MSI2: variants seen among roughly 807,000 people sequenced by gnomAD.
MSI2 encodes the protein musashi RNA binding protein 2.
Under a neutral mutation model 45.6 loss-of-function variants are expected in MSI2, and 17 were observed. That is an observed-to-expected ratio of 0.37 (90% CI 0.26 to 0.56). MSI2 has a LOEUF of 0.56. Ranked by LOEUF, MSI2 falls within the 20% of genes least tolerant of loss-of-function variation. The probability of loss-of-function intolerance (pLI) is 0.77; values close to 1 mark genes in which losing one functional copy is unlikely to be tolerated. For missense variants in MSI2, 293 were observed against 444.2 expected, an observed-to-expected ratio of 0.66 and a Z score of 3.06; for synonymous variants, 156 against 158.2, an observed-to-expected ratio of 0.99 and a Z score of 0.11.
intron 5 of MSI2, among the ~76,000 whole-genome samples, chr17:57,305,524 G>A (rs1324413151): frequency 6.6e-6 from 1 of 152,222 alleles, no homozygotes; most frequent in Non-Finnish European, 1.5e-5. Flanking sequence ...GGGCAATGTA[G>A]TCAAAACACA....
intron 5 of MSI2, among the ~76,000 whole-genome samples, chr17:57,395,394 C>A (rs913753126): frequency 6.6e-6 from 1 of 152,152 alleles, no homozygotes; most frequent in Admixed American, 6.5e-5. Flanking sequence ...AATACCTGAC[C>A]TGTGTTCTGA....
intron 5 of MSI2, among the ~76,000 whole-genome samples, chr17:57,337,589 G>A (rs1372680723): frequency 6.6e-6 from 1 of 152,082 alleles, no homozygotes; most frequent in Non-Finnish European, 1.5e-5. Context: ...TCCCTGTCGT[G>A]TTTACCACCT....
At chr17:57,264,153 CA>C (rs1479620464) in intron 5 of MSI2, 5 of 152,178 alleles carry the variant, frequency 3.3e-5, no homozygotes, top group Non-Finnish European at 5.9e-5. Context: ...GTTTTCTCAT[CA>C]TTGTTCCGGT....
intron 6 of MSI2, among the ~76,000 whole-genome samples, chr17:57,504,253 G>A (rs2086179262): frequency 6.6e-6 from 1 of 152,166 alleles, no homozygotes. Flanking sequence ...TAGCTCTTGA[G>A]GCTGTGTGCC....
intron 6 of MSI2, among the ~76,000 whole-genome samples, chr17:57,409,816 G>A (rs970527921): frequency 1.3e-5 from 2 of 151,990 alleles, no homozygotes; most frequent in Non-Finnish European, 2.9e-5. Flanking sequence ...AGACCAGCCT[G>A]GCCAACATGG....
At chr17:57,498,760 T>C (rs2086033182) in intron 6 of MSI2, among the ~76,000 whole-genome samples, 1 of 152,160 alleles carries the variant, frequency 6.6e-6, no homozygotes, top group African/African-American at 2.4e-5. Flanking sequence ...AACCTTTCTT[T>C]CTTTTTTTTT....
intron 7 of MSI2, among the ~76,000 whole-genome samples, chr17:57,580,386 A>C (rs2088168480): frequency 6.6e-6 from 1 of 152,164 alleles, no homozygotes; most frequent in Non-Finnish European, 1.5e-5. Flanking sequence ...GACCCCTGGC[A>C]TTTGACTTCA....
At chr17:57,284,430 T>G (rs1407996034) in intron 5 of MSI2, among the ~76,000 whole-genome samples, 1 of 152,180 alleles carries the variant, frequency 6.6e-6, no homozygotes, top group Non-Finnish European at 1.5e-5. Flanking sequence ...GTGTGCTTTA[T>G]GTATGTGTTT....
chr17:57,687,276 G>T (rs1913905777), downstream of MSI2, among the ~76,000 whole-genome samples: 1 of 148,004 alleles, frequency 6.8e-6, no homozygotes, highest in South Asian at 2.1e-4. Flanking sequence ...TCCTTAATAA[G>T]GTAGCAAATA....
intron 6 of MSI2, among the ~76,000 whole-genome samples, chr17:57,413,134 T>A (rs1273742427): frequency 6.6e-6 from 1 of 152,132 alleles, no homozygotes; most frequent in East Asian, 1.9e-4. Flanking sequence ...GCAGTAGGCT[T>A]GCTAGTGCAA....
chr17:57,325,670 A>G (rs1037966273), intron 5 of MSI2, among the ~76,000 whole-genome samples: 12 of 151,948 alleles, frequency 7.9e-5, no homozygotes, highest in African/African-American at 2.7e-4. Flanking sequence ...CTCTTCCCTG[A>G]CCATTTGACC....
At chr17:57,303,056 G>C (rs1911551744) in intron 5 of MSI2, among the ~76,000 whole-genome samples, 1 of 152,246 alleles carries the variant, frequency 6.6e-6, no homozygotes, top group African/African-American at 2.4e-5. Flanking sequence ...GCCAGAGCGG[G>C]GTTGGGCAGG....
chr17:57,373,717 C>G (rs149044041), intron 5 of MSI2, among the ~76,000 whole-genome samples: 3 of 152,160 alleles, frequency 2.0e-5, no homozygotes, highest in African/African-American at 7.2e-5. Flanking sequence ...GAACCACAGC[C>G]GCACTGTCCC....
chr17:57,665,858 T>C (rs1490407281), intron 11 of MSI2, among the ~76,000 whole-genome samples: 1 of 152,168 alleles, frequency 6.6e-6, no homozygotes. Context: ...CAGTGCCCTC[T>C]CTGCTTCCAC....
At chr17:57,311,756 A>C (rs1453392141) in intron 5 of MSI2, among the ~76,000 whole-genome samples, 1 of 151,996 alleles carries the variant, frequency 6.6e-6, no homozygotes, top group Non-Finnish European at 1.5e-5. Context: ...GGGTCTTGCT[A>C]TATTGCCCAG....
chr17:57,677,106 A>T, intron 13 of MSI2, 47 bp downstream of exon 13: 1 of 1,312,402 alleles, frequency 7.6e-7, no homozygotes, highest in Non-Finnish European at 1.1e-6. Flanking sequence ...GTGTGTCCGT[A>T]CATGTATGTC....
chr17:57,621,660 G>C (rs1055013492), intron 9 of MSI2, among the ~76,000 whole-genome samples: 1 of 152,238 alleles, frequency 6.6e-6, no homozygotes, highest in East Asian at 1.9e-4. Flanking sequence ...GGTCTCTTCA[G>C]AGGGAGGCTG....
chr17:57,280,543 T>C lies in MSI2; in HGVS notation c.312+18351T>C, dbSNP rs1243720769. On this transcript the variant is annotated intron_variant, in intron 5 of 13. Transcript: ENST00000284073. This position sits in a 1 kb window ranked among gnomAD's most constrained non-coding sequence, Gnocchi z 4.2. ...GGTGAGAGGCAAATTTGACTTCTCA[T>C]TGATGTGAGCAGAGCCCCCAACCCC... Among the ~76,000 whole-genome samples the C allele has an allele frequency of 5.3e-5, 8 of 151,970 alleles. No homozygotes were observed. The highest frequency in any genetic ancestry group is 1.3e-4 in the Admixed American group (2 of 15,262).
intron 10 of MSI2, among the ~76,000 whole-genome samples, chr17:57,633,428 C>T (rs914553939): frequency 7.2e-5 from 11 of 152,242 alleles, no homozygotes; most frequent in Admixed American, 6.5e-5. Context: ...AGTATCGCCC[C>T]GATGCTCCTT....
Sources: gnomAD v4.1 joint callset for allele counts (sites outside exome capture counted in the v4.1 genomes callset) on GRCh38, gnomAD v4.1.1 for gene constraint, Gnocchi (gnomAD v3.1) non-coding constraint, MANE v1.5 for transcripts, NCBI Gene and HGNC (gene_info 2026-07-23, HGNC 2026-07-21) for gene names.